PEX2: variants seen among roughly 807,000 people sequenced by gnomAD.
The protein encoded by PEX2 is peroxisome biogenesis factor 2.
Under a neutral mutation model 25.2 loss-of-function variants are expected in PEX2, and 19 were observed. That is an observed-to-expected ratio of 0.75 (90% confidence interval 0.53 to 1.10). The LOEUF is 1.10. Among genes scored for constraint, PEX2 ranks in the 50% least tolerant of loss-of-function variants. PEX2 has a pLI of 0.00. For synonymous variants in PEX2, 141 were observed against 127.7 expected, an observed-to-expected ratio of 1.10 and a Z score of -0.70; for missense variants, 347 against 350.6, an observed-to-expected ratio of 0.99 and a Z score of 0.08.
intron 1 of PEX2, among the ~76,000 whole-genome samples, chr8:76,994,440 A>G (rs1807263449): frequency 6.6e-6 from 1 of 152,188 alleles, no homozygotes. Context: ...TATTAACGTA[A>G]TTATGATTAA....
At chr8:76,998,337 G>A (rs910041292) in intron 1 of PEX2, among the ~76,000 whole-genome samples, 16 of 152,016 alleles carry the variant, frequency 1.1e-4, no homozygotes, top group African/African-American at 3.4e-4. Context: ...TCCTCCCTAC[G>A]GCAAGAATCA....
At chr8:76,984,506 C>G (rs777422285) in intron 3 of PEX2, among the ~76,000 whole-genome samples, 2 of 152,142 alleles carry the variant, frequency 1.3e-5, no homozygotes, top group African/African-American at 2.4e-5. Context: ...TACTTCTAAG[C>G]AATACTCTTT....
chr8:76,987,530 T>C (rs571056362), intron 2 of PEX2, among the ~76,000 whole-genome samples: 91 of 152,232 alleles, frequency 6.0e-4, no homozygotes, highest in African/African-American at 2.1e-3. Flanking sequence ...AAGCCCCCAA[T>C]AGTGGTACGC....
At chr8:76,991,595 C>A (rs181624636) in intron 1 of PEX2, among the ~76,000 whole-genome samples, 11 of 152,320 alleles carry the variant, frequency 7.2e-5, no homozygotes, top group Admixed American at 2.6e-4. Context: ...ATAGAACAGA[C>A]ACTGTCTATT....
At chr8:76,997,927 T>C (rs910175768) in intron 1 of PEX2, among the ~76,000 whole-genome samples, 4 of 152,200 alleles carry the variant, frequency 2.6e-5, no homozygotes, top group African/African-American at 9.6e-5. Context: ...AATGGAGCAA[T>C]TTAGGGCTTT....
upstream of PEX2, chr8:77,000,738 A>C (rs930340956): frequency 6.6e-6 from 1 of 152,016 alleles, no homozygotes; most frequent in Non-Finnish European, 1.5e-5. Context: ...AGAGCGGGCC[A>C]GCGCGCGCCT....
Position 76,982,636 on chromosome 8 carries a change from C to G in PEX2, c.*625G>C, listed in dbSNP as rs1346234382. On this transcript the variant is annotated 3_prime_UTR_variant, in exon 4 of 4. Transcript: ENST00000357039. ...ACCATCCTGGCTAACACAGTGAACC[C>G]CATCTCTACTAAAAATACAAAAATT... The G allele has an allele frequency of 6.5e-6, 1 of 153,494 alleles. No homozygotes were observed. The highest frequency in any genetic ancestry group is 1.4e-5 in the Non-Finnish European group (1 of 69,182). 9.5% of individuals were successfully genotyped at this position (153,494 alleles called of 1,614,324 possible).
intron 1 of PEX2, among the ~76,000 whole-genome samples, chr8:76,996,487 A>C (rs1327146616): frequency 1.3e-5 from 2 of 152,244 alleles, no homozygotes; most frequent in African/African-American, 4.8e-5. Flanking sequence ...AAAGAGGCCA[A>C]GTACTAAGAG....
chr8:76,990,097 C>T lies in PEX2; in HGVS notation c.-159-1759G>A, dbSNP rs142434919. Among the ~76,000 whole-genome samples the T allele has an allele frequency of 2.6e-5, 4 of 152,352 alleles. No homozygotes were observed. The East Asian group carries it at 7.7e-4, about 29-fold the overall frequency. On this transcript the variant is annotated intron_variant, in intron 1 of 3. Transcript: ENST00000357039. Reference sequence around the variant, plus strand: ...GCTGCAGCTCTGATGTCAGCATTTGCTGCTTCAGCTTTCATGTTTATATCA... The same window carrying T: ...GCTGCAGCTCTGATGTCAGCATTTGTTGCTTCAGCTTTCATGTTTATATCA...
chr8:76,994,173 T>C (rs1332219885), intron 1 of PEX2, among the ~76,000 whole-genome samples: 3 of 152,324 alleles, frequency 2.0e-5, no homozygotes, highest in South Asian at 4.1e-4. Context: ...AGCAGCAATA[T>C]ATAACCTTAT....
chr8:76,995,670 G>A (rs1448043588), intron 1 of PEX2, among the ~76,000 whole-genome samples: 2 of 151,866 alleles, frequency 1.3e-5, no homozygotes, highest in Non-Finnish European at 2.9e-5. Context: ...CCAATACTTG[G>A]GCCTAGCTTT....
In PEX2 at chr8:76,980,556, TC is replaced by T. The variant is rs1806787983; in HGVS notation, c.*2704del. 1 of 152,204 alleles carries T rather than the reference TC, an allele frequency of 6.6e-6. No individual in the cohort carries two copies. Among genetic ancestry groups the T allele is most frequent in the Non-Finnish European group, 1.5e-5 (1 of 68,064 alleles). 9.4% of individuals were successfully genotyped at this position (152,204 alleles called of 1,614,324 possible). A position where few individuals can be genotyped will look rare whatever the true frequency, so the allele number is the denominator to read the frequency against. ...ATTTAAGTAACCAGGAACAGTATTT[TC>T]CATCCCCTAGCTATAGTGGCTGGTT... On this transcript the variant is annotated 3_prime_UTR_variant, in exon 4 of 4. Coordinates refer to ENST00000357039, the MANE Select transcript of PEX2 (RefSeq NM_000318.3).
chr8:76,988,831 C>T (rs565211538), intron 1 of PEX2, among the ~76,000 whole-genome samples: 1 of 152,186 alleles, frequency 6.6e-6, no homozygotes, highest in East Asian at 1.9e-4. Context: ...GCTATCTTTT[C>T]AACAATGTTT....
At chr8:76,994,996 A>G (rs1484746380) in intron 1 of PEX2, among the ~76,000 whole-genome samples, 8 of 152,128 alleles carry the variant, frequency 5.3e-5, no homozygotes, top group Admixed American at 5.2e-4. Context: ...TCAAAGAGGG[A>G]TTTAACTGGA....
intron 1 of PEX2, among the ~76,000 whole-genome samples, chr8:76,989,920 T>C (rs1028993408): frequency 6.6e-6 from 1 of 152,228 alleles, no homozygotes; most frequent in South Asian, 2.1e-4. Context: ...GCCTGTCCTT[T>C]GAAGCTCTGA....
intron 1 of PEX2, among the ~76,000 whole-genome samples, chr8:76,988,923 T>C (rs920618337): frequency 1.3e-5 from 2 of 150,336 alleles, no homozygotes; most frequent in Non-Finnish European, 2.9e-5. Context: ...CTGGGTGCAG[T>C]GGCTCATGCC....
chr8:76,988,639 A>G lies in PEX2; in HGVS notation c.-159-301T>C, dbSNP rs534069769. ...GCTGGGGTGGTTGTGGCAATATCTT[A>G]TAACAACAACAAAGTTTGCTGCATG... is the stretch of plus-strand genomic sequence containing the variant. On this transcript the variant is annotated intron_variant, in intron 1 of 3. Coordinates refer to ENST00000357039, the MANE Select transcript of PEX2 (RefSeq NM_000318.3). Among the ~76,000 whole-genome samples, 283 of 152,242 alleles carry G rather than the reference A, an allele frequency of 1.9e-3. 2 individuals are homozygous for G. Among genetic ancestry groups the G allele is most frequent in the African/African-American group, 6.5e-3 (270 of 41,554 alleles).
At chr8:76,999,592 T>C (rs898470628) in intron 1 of PEX2, among the ~76,000 whole-genome samples, 1 of 152,212 alleles carries the variant, frequency 6.6e-6, no homozygotes, top group East Asian at 1.9e-4. Context: ...TATAACACTT[T>C]ACATGAACTT....
At chr8:76,984,305 G>A (rs747935372) in intron 3 of PEX2, 110 bp from the exon 4 acceptor site, 10 of 822,274 alleles carry the variant, frequency 1.2e-5, no homozygotes, top group African/African-American at 1.7e-5. Flanking sequence ...ACACATAGGC[G>A]ATGAGCGTTT....
Sources: gnomAD v4.1 joint callset for allele counts (sites outside exome capture counted in the v4.1 genomes callset) on GRCh38, gnomAD v4.1.1 for gene constraint, MANE v1.5 for transcripts, NCBI Gene and HGNC (gene_info 2026-07-23, HGNC 2026-07-21) for gene names.